TNFSF15: variants seen among roughly 807,000 people sequenced by gnomAD.
TNFSF15 encodes the protein TNF superfamily member 15.
TNFSF15 carries 15 observed loss-of-function variants against 26.4 expected under a neutral mutation model. That is an observed-to-expected ratio of 0.57 (90% CI 0.38 to 0.87). TNFSF15 has a LOEUF of 0.87. Ranked by LOEUF, TNFSF15 falls within the 40% of genes least tolerant of loss-of-function variation. The probability of loss-of-function intolerance (pLI) is 0.00; values close to 1 mark genes in which losing one functional copy is unlikely to be tolerated. For missense variants in TNFSF15, 290 were observed against 306.1 expected (o/e 0.95, Z 0.39); for synonymous variants, 116 against 115.0 (o/e 1.01, Z -0.06).
Position 114,793,506 on chromosome 9 carries a change from T to C in TNFSF15, c.253+20A>G. On this transcript the variant is annotated intron_variant, in intron 2 of 3. Transcript: ENST00000374045. ...TTCTTATTCCCCACGAGGAAAGGCG[T>C]TGAAGATGAGCATACTTACAAACTT... The C allele has an allele frequency of 6.2e-7, 1 of 1,613,480 alleles. No homozygotes were observed. Among genetic ancestry groups the C allele is most frequent in the Non-Finnish European group, 8.5e-7 (1 of 1,179,426 alleles).
In TNFSF15 at chr9:114,790,385, C is replaced by T. The variant is rs1587897350; in HGVS notation, c.*67G>A. ...CCAAGAAAACCCCTGGTTATAATTA[C>T]ATTTGAACAAAGAAAATTAGGAACT... is the stretch of plus-strand genomic sequence containing the variant. On this transcript the variant is annotated 3_prime_UTR_variant, in exon 4 of 4. Coordinates refer to ENST00000374045, the MANE Select transcript of TNFSF15 (RefSeq NM_005118.4). The T allele has an allele frequency of 6.8e-7, 1 of 1,461,844 alleles. No individual in the cohort carries two copies. The highest frequency in any genetic ancestry group is 1.4e-5 in the African/African-American group (1 of 70,576). The allele number at this position is 1,461,844 out of a possible 1,614,324, so 90.6% of individuals were successfully genotyped here.
chr9:114,804,706 T>C lies in TNFSF15; in HGVS notation c.210+1097A>G, dbSNP rs1197970600. On this transcript the variant is annotated intron_variant, in intron 1 of 3. Coordinates refer to ENST00000374045, the MANE Select transcript of TNFSF15 (RefSeq NM_005118.4). ...CATTTCCGGTTTGTCTGCATATTTC[T>C]ACATTTTATGAGCAATGGCATCTGG... is the stretch of plus-strand genomic sequence containing the variant. Among the ~76,000 whole-genome samples the C allele has an allele frequency of 9.2e-5, 14 of 152,328 alleles. No homozygotes were observed. In the East Asian group the frequency reaches 2.7e-3, roughly 29 times the overall value.
In TNFSF15 at chr9:114,790,870, T is replaced by A. The variant is rs770252535; in HGVS notation, c.338A>T (p.Gln113Leu). 1 of 1,614,190 alleles carries A rather than the reference T, an allele frequency of 6.2e-7. No individual in the cohort carries two copies. Among genetic ancestry groups the A allele is most frequent in the Non-Finnish European group, 8.5e-7 (1 of 1,180,032 alleles). ...RQTPTQHFKNQFPALHWEHEL... is the reference protein window; with the variant it reads ...RQTPTQHFKNLFPALHWEHEL... ...ATGTTCCCAGTGCAGAGCTGGGAAC[T>A]GATTTTTAAAGTGCTGTGTGGGAGT... The change falls in exon 4 of 4, where the codon CAG becomes CTG. Residue 113 changes from glutamine (Q) to leucine (L), a missense_variant. By Grantham distance (113) the Gln-to-Leu change is moderately radical. This residue lies in a region of TNFSF15 where 179 missense variants were observed against 165.9 expected (regional missense o/e 1.08). Transcript: ENST00000374045.
Position 114,802,276 on chromosome 9 carries a change from G to A in TNFSF15, c.210+3527C>T, listed in dbSNP as rs142120728. The stretch of plus-strand genomic sequence containing the variant: ...TTGTTTTTGTTTTTGTTTTTGAGAC[G>A]GAGTCTTGCTCTGTCACCCAGGCTG... On this transcript the variant is annotated intron_variant, in intron 1 of 3. Coordinates refer to ENST00000374045, the MANE Select transcript of TNFSF15 (RefSeq NM_005118.4). Among the ~76,000 whole-genome samples the A allele has an allele frequency of 4.1e-3, 620 of 152,100 alleles. 2 individuals are homozygous for A. The highest frequency in any genetic ancestry group is 0.015 in the East Asian group (77 of 5,172).
At chr9:114,802,557 T>C (rs1829762801) in intron 1 of TNFSF15, among the ~76,000 whole-genome samples, 1 of 152,220 alleles carries the variant, frequency 6.6e-6, no homozygotes, top group African/African-American at 2.4e-5. Flanking sequence ...GGCCAGATTT[T>C]GTTTTTAATT....
In TNFSF15 at chr9:114,786,277, C is replaced by T. The variant is rs749596809; in HGVS notation, c.*4175G>A. The T allele has an allele frequency of 1.3e-5, 2 of 152,202 alleles. No individual in the cohort carries two copies. The highest frequency in any genetic ancestry group is 2.9e-5 in the Non-Finnish European group (2 of 68,048). 9.4% of individuals were successfully genotyped at this position (152,202 alleles called of 1,614,324 possible). Reference sequence around the variant, plus strand: ...GAAATCTTAAGGCAAGAGATGTTTGCATGTGTTTTTAAGGTACAGAATATA... The same window carrying T: ...GAAATCTTAAGGCAAGAGATGTTTGTATGTGTTTTTAAGGTACAGAATATA... On this transcript the variant is annotated 3_prime_UTR_variant, in exon 4 of 4. Transcript: ENST00000374045.
At chr9:114,793,494 C>A in intron 2 of TNFSF15, 32 bp downstream of exon 2, 1 of 1,612,040 alleles carries the variant, frequency 6.2e-7, no homozygotes, top group South Asian at 1.1e-5. Context: ...TTATTCCCCA[C>A]GAGGAAAGGC....
At position 114,787,951 on chromosome 9, in the gene TNFSF15, C is replaced by T. The variant is rs1216670973; in HGVS notation, c.*2501G>A. The T allele has an allele frequency of 6.5e-6, 1 of 153,676 alleles. No individual in the cohort carries two copies. The highest frequency in any genetic ancestry group is 2.4e-5 in the African/African-American group (1 of 41,456). The allele number at this position is 153,676 out of a possible 1,614,324, so 9.5% of individuals were successfully genotyped here. A position where few individuals can be genotyped will look rare whatever the true frequency, so the allele number is the denominator to read the frequency against. On this transcript the variant is annotated 3_prime_UTR_variant, in exon 4 of 4. Coordinates refer to ENST00000374045, the MANE Select transcript of TNFSF15 (RefSeq NM_005118.4). ...ATTTCCAGATCCACCAGATCACCTA[C>T]AGAACAGTGGGCAGGTTTGAGCAGG...
chr9:114,796,388 G>T (rs770796737), intron 1 of TNFSF15, among the ~76,000 whole-genome samples: 15 of 152,116 alleles, frequency 9.9e-5, no homozygotes, highest in Non-Finnish European at 1.8e-4. Flanking sequence ...ATCTCATTTT[G>T]TCTTGGCATT....
intron 1 of TNFSF15, among the ~76,000 whole-genome samples, chr9:114,805,258 T>A (rs907572031): frequency 6.6e-6 from 1 of 152,184 alleles, no homozygotes; most frequent in African/African-American, 2.4e-5. Flanking sequence ...ATCTATAGCA[T>A]CATGTTGTTG....
At chr9:114,793,750 T>C (rs1829640041) in intron 1 of TNFSF15, among the ~76,000 whole-genome samples, 182 bp from the exon 2 acceptor site, 1 of 152,208 alleles carries the variant, frequency 6.6e-6, no homozygotes, top group Admixed American at 6.5e-5. Context: ...GCTCTCCACT[T>C]TCCTCCCCTG....
intron 1 of TNFSF15, among the ~76,000 whole-genome samples, chr9:114,799,080 G>A (rs1176723518): frequency 6.6e-6 from 1 of 152,140 alleles, no homozygotes; most frequent in Non-Finnish European, 1.5e-5. Flanking sequence ...TTTATTCTGA[G>A]GTCATTTCAT....
chr9:114,791,229 G>A (rs1410652737), intron 3 of TNFSF15: 1 of 472,928 alleles, frequency 2.1e-6, no homozygotes, highest in African/African-American at 2.0e-5. Flanking sequence ...ATTCTTCTGT[G>A]TTTAGGAAAA....
chr9:114,790,317 T>C lies in TNFSF15; in HGVS notation c.*135A>G, dbSNP rs1301833515. 17 of 882,214 alleles carry C rather than the reference T, an allele frequency of 1.9e-5. No individual in the cohort carries two copies. Among genetic ancestry groups the C allele is most frequent in the South Asian group, 1.3e-4 (7 of 55,990 alleles). 54.6% of individuals were successfully genotyped at this position (882,214 alleles called of 1,614,324 possible). A position where few individuals can be genotyped will look rare whatever the true frequency, so the allele number is the denominator to read the frequency against. The stretch of plus-strand genomic sequence containing the variant: ...GTGAAATTTTGGGCCCCAAATTTCA[T>C]AGCTAAACCGTTGTCCCTGTGGAAT... On this transcript the variant is annotated 3_prime_UTR_variant, in exon 4 of 4. Coordinates refer to ENST00000374045, the MANE Select transcript of TNFSF15 (RefSeq NM_005118.4).
intron 1 of TNFSF15, among the ~76,000 whole-genome samples, chr9:114,800,104 TA>T (rs761699241): frequency 3.3e-5 from 5 of 151,000 alleles, no homozygotes; most frequent in Non-Finnish European, 5.9e-5. Flanking sequence ...TTGAGTGAGA[TA>T]AGAGGGCTCA....
rs1034126122 is a variant in TNFSF15 at position 114,787,703 on chromosome 9, T to C, written c.*2749A>G. On this transcript the variant is annotated 3_prime_UTR_variant, in exon 4 of 4. Coordinates refer to ENST00000374045, the MANE Select transcript of TNFSF15 (RefSeq NM_005118.4). ...TAATTTTTGCTATGGAGATAATGCCTTGGGAACAGAAGTTCTGACATGAGC... is the reference window on the plus strand; with the variant it reads ...TAATTTTTGCTATGGAGATAATGCCCTGGGAACAGAAGTTCTGACATGAGC... The C allele has an allele frequency of 2.0e-5, 3 of 153,718 alleles. No homozygotes were observed. The highest frequency in any genetic ancestry group is 6.5e-5 in the Admixed American group (1 of 15,272). 9.5% of individuals were successfully genotyped at this position (153,718 alleles called of 1,614,324 possible).
rs1332040537 is a variant in TNFSF15, at chr9:114,786,266, A to G, written c.*4186T>C. ...TAGGAAAGCCAGAAATCTTAAGGCA[A>G]GAGATGTTTGCATGTGTTTTTAAGG... On this transcript the variant is annotated 3_prime_UTR_variant, in exon 4 of 4. Coordinates refer to ENST00000374045, the MANE Select transcript of TNFSF15 (RefSeq NM_005118.4). 1.3e-5 allele frequency: 2 copies of G among 152,250 alleles called. No individual in the cohort carries two copies. The highest frequency in any genetic ancestry group is 2.9e-5 in the Non-Finnish European group (2 of 68,042). 9.4% of individuals were successfully genotyped at this position (152,250 alleles called of 1,614,324 possible).
chr9:114,805,738 A>G, intron 1 of TNFSF15, 65 bp downstream of exon 1: 1 of 1,486,350 alleles, frequency 6.7e-7, no homozygotes, highest in Non-Finnish European at 9.3e-7. Flanking sequence ...CAGAGCTGAA[A>G]TAGTTGCCAC....
At chr9:114,792,215 A>G (rs1291476615) in intron 3 of TNFSF15, 192 bp downstream of exon 3, 1 of 632,314 alleles carries the variant, frequency 1.6e-6, no homozygotes, top group Admixed American at 3.4e-5. Context: ...GTGTATATAC[A>G]TATGTGTGTA....
Sources: allele counts gnomAD v4.1 joint callset (sites outside exome capture counted in the v4.1 genomes callset), GRCh38; gene constraint gnomAD v4.1.1; regional missense constraint gnomAD v4.1.1; transcripts MANE v1.5; gene names NCBI Gene and HGNC (gene_info 2026-07-23, HGNC 2026-07-21).